The following FANK1 variants were observed in gnomAD, a reference collection of about 807,000 sequenced individuals.
The protein encoded by FANK1 is fibronectin type 3 and ankyrin repeat domains protein 1.
FANK1 carries 44 observed loss-of-function variants against 45.3 expected under a neutral mutation model. The observed-to-expected ratio is 0.97, with a 90% CI of 0.76 to 1.25. FANK1 has a LOEUF of 1.25. FANK1 is among the 50% of genes most tolerant of loss of function. The pLI, the probability that FANK1 is intolerant of heterozygous loss-of-function variation, is 0.00. For missense variants in FANK1, 391 were observed against 424.4 expected, an observed-to-expected ratio of 0.92 and a Z score of 0.69; for synonymous variants, 149 against 152.5, an observed-to-expected ratio of 0.98 and a Z score of 0.17.
rs529634873 is a variant in FANK1 at position 125,907,243 on chromosome 10, A to T, written c.13+10588A>T. 1.2e-4 allele frequency among the ~76,000 whole-genome samples: 19 copies of T among 152,354 alleles called. No homozygotes were observed. The South Asian group carries it at 3.9e-3, about 32-fold the overall frequency. Reference sequence around the variant, plus strand: ...TCTTTTTAGTATCTGTAGGATCTATAGTGATAACTCTTCACTCCTTATATT... The same window carrying T: ...TCTTTTTAGTATCTGTAGGATCTATTGTGATAACTCTTCACTCCTTATATT... On this transcript the variant is annotated intron_variant, in intron 1 of 10. Transcript: ENST00000368693.
Position 125,997,445 on chromosome 10 carries a change from G to C in FANK1, c.499G>C (p.Gly167Arg), listed in dbSNP as rs1403084521. ...GCTTGTGAAAATCCTAGTTTCTAAT[G>C]GCACAGACGTGAATCTGAAGAATGG... ...TRLVKILVSN[G>R]TDVNLKNGSG... Residue 167 changes from glycine to arginine, a missense_variant, in exon 6 of 11, where the codon GGC (glycine) becomes CGC (arginine). By Grantham distance (125) the Gly-to-Arg change is moderately radical. Coordinates refer to ENST00000368693, the MANE Select transcript of FANK1 (RefSeq NM_145235.5). 2 of 1,613,738 alleles carry C rather than the reference G, an allele frequency of 1.2e-6. No individual in the cohort carries two copies. Among genetic ancestry groups the C allele is most frequent in the Non-Finnish European group, 1.7e-6 (2 of 1,179,904 alleles).
chr10:125,917,381 G>C (rs78355791), intron 1 of FANK1, among the ~76,000 whole-genome samples: 1 of 134,070 alleles, frequency 7.5e-6, no homozygotes, highest in Non-Finnish European at 1.7e-5. Flanking sequence ...CCCAGTGGGA[G>C]CTCTCATTCT....
At chr10:125,945,745 C>T (rs1948748082) in intron 1 of FANK1, among the ~76,000 whole-genome samples, 1 of 152,204 alleles carries the variant, frequency 6.6e-6, no homozygotes, top group Non-Finnish European at 1.5e-5. Context: ...GGGTGGAGCC[C>T]ACCACAACTC....
intron 1 of FANK1, among the ~76,000 whole-genome samples, chr10:125,958,172 C>T (rs969637976): frequency 4.6e-5 from 7 of 152,240 alleles, no homozygotes; most frequent in Admixed American, 2.6e-4. Flanking sequence ...AATTTTGTAT[C>T]CTTTAGCAAA....
At chr10:125,949,563 T>G (rs1430309623) in intron 1 of FANK1, among the ~76,000 whole-genome samples, 2 of 150,434 alleles carry the variant, frequency 1.3e-5, no homozygotes, top group African/African-American at 2.4e-5. Context: ...ACAAGGGATG[T>G]GAAGGACCTC....
chr10:125,978,229 G>GT (rs1228703348), intron 1 of FANK1, among the ~76,000 whole-genome samples: 1 of 151,758 alleles, frequency 6.6e-6, no homozygotes, highest in Non-Finnish European at 1.5e-5. Context: ...TATGGACCTG[G>GT]TGTCGGCCCA....
intron 1 of FANK1, among the ~76,000 whole-genome samples, chr10:125,974,066 A>C (rs1053616454): frequency 2.6e-5 from 4 of 152,248 alleles, no homozygotes; most frequent in African/African-American, 9.6e-5. Context: ...GATACTTTGT[A>C]ACTTAATTAT....
At chr10:125,965,355 G>GTA (rs1217217576) in intron 1 of FANK1, among the ~76,000 whole-genome samples, 1 of 152,184 alleles carries the variant, frequency 6.6e-6, no homozygotes, top group African/African-American at 2.4e-5. Flanking sequence ...TATTGTGAAA[G>GTA]TATCCTACCA....
At chr10:125,950,982 C>G (rs1002792714) in intron 1 of FANK1, among the ~76,000 whole-genome samples, 3 of 149,714 alleles carry the variant, frequency 2.0e-5, no homozygotes, top group African/African-American at 7.4e-5. Flanking sequence ...TCTCAGTAAA[C>G]TATCGCAAGA....
intron 1 of FANK1, among the ~76,000 whole-genome samples, chr10:125,971,848 T>A (rs1192977676): frequency 6.6e-6 from 1 of 152,146 alleles, no homozygotes; most frequent in African/African-American, 2.4e-5. Context: ...GGTCTCGATC[T>A]CGTGACTTTG....
At chr10:125,949,273 A>G (rs926399705) in intron 1 of FANK1, among the ~76,000 whole-genome samples, 12 of 150,356 alleles carry the variant, frequency 8.0e-5, no homozygotes, top group South Asian at 2.1e-4. Context: ...GGCCAGGGCA[A>G]TTAGGCAGGA....
At chr10:125,912,956 A>G (rs113682422) in intron 1 of FANK1, among the ~76,000 whole-genome samples, 9 of 152,322 alleles carry the variant, frequency 5.9e-5, no homozygotes, top group Non-Finnish European at 1.2e-4. Flanking sequence ...TTTAATGTGA[A>G]TCAGTGTTAG....
chr10:125,980,631 TG>T (rs1167132931), intron 2 of FANK1: 1 of 323,064 alleles, frequency 3.1e-6, no homozygotes, highest in African/African-American at 2.2e-5. Flanking sequence ...TGCAATTAGG[TG>T]AGCTTCCCAT....
intron 1 of FANK1, among the ~76,000 whole-genome samples, chr10:125,974,541 G>A (rs1950733142): frequency 6.6e-6 from 1 of 152,250 alleles, no homozygotes; most frequent in East Asian, 1.9e-4. Context: ...AACTAACATA[G>A]AACAATTGCA....
intron 5 of FANK1, 107 bp downstream of exon 5, chr10:125,996,731 C>T (rs570205040): frequency 1.5e-4 from 152 of 1,018,286 alleles, no homozygotes; most frequent in Non-Finnish European, 1.9e-4. Flanking sequence ...ATGGAGGAAC[C>T]GTTTCTTTTC....
At chr10:125,901,215 C>T (rs1935452) in intron 1 of FANK1, among the ~76,000 whole-genome samples, 2,576 of 152,266 alleles carry the variant, frequency 0.017, 41 homozygotes, top group Middle Eastern at 0.031. Flanking sequence ...CACTAGTCTT[C>T]CAAGCCTTCC....
chr10:125,949,222 C>A (rs574107934), intron 1 of FANK1, among the ~76,000 whole-genome samples: 4 of 151,030 alleles, frequency 2.6e-5, no homozygotes, highest in Non-Finnish European at 4.4e-5. Context: ...ACAGGGATGC[C>A]CTCTCTCACC....
At chr10:125,935,533 T>C (rs918707609) in intron 1 of FANK1, among the ~76,000 whole-genome samples, 8 of 152,230 alleles carry the variant, frequency 5.3e-5, no homozygotes, top group Admixed American at 4.6e-4. Flanking sequence ...CAAATCAAGA[T>C]TTTGTGATTC....
intron 1 of FANK1, among the ~76,000 whole-genome samples, chr10:125,937,633 C>T (rs1469341740): frequency 1.3e-5 from 2 of 152,012 alleles, no homozygotes; most frequent in African/African-American, 4.8e-5. Context: ...AGGATGATCT[C>T]AGTGAACTGA....
Sources: allele counts gnomAD v4.1 joint callset (sites outside exome capture counted in the v4.1 genomes callset), GRCh38; gene constraint gnomAD v4.1.1; transcripts MANE v1.5; gene names NCBI Gene and HGNC (gene_info 2026-07-23, HGNC 2026-07-21).